NDRG3: variants seen among roughly 807,000 people sequenced by gnomAD.
NDRG3 encodes protein NDRG3.
Under a neutral mutation model 57.2 loss-of-function variants are expected in NDRG3, and 23 were observed. The observed-to-expected ratio is 0.40, with a 90% CI of 0.29 to 0.57. The LOEUF (loss-of-function observed/expected upper bound fraction) is 0.57. NDRG3 is among the 20% of genes least tolerant of loss of function. NDRG3 has a pLI of 0.42. For missense variants in NDRG3, 384 were observed against 457.3 expected, an observed-to-expected ratio of 0.84 and a Z score of 1.46; for synonymous variants, 132 against 162.6, an observed-to-expected ratio of 0.81 and a Z score of 1.43.
intron 6 of NDRG3, among the ~76,000 whole-genome samples, chr20:36,683,877 T>C (rs1051659332): frequency 6.6e-6 from 1 of 152,120 alleles, no homozygotes; most frequent in Admixed American, 6.6e-5. Context: ...ATGCTATCAT[T>C]ATCTCTTGCC....
chr20:36,736,633 G>GA (rs757676053), intron 1 of NDRG3, among the ~76,000 whole-genome samples: 5 of 152,266 alleles, frequency 3.3e-5, no homozygotes, highest in South Asian at 2.1e-4. Flanking sequence ...TACGGTAATG[G>GA]ATGTTGGTTC....
chr20:36,712,070 G>T (rs150698293), intron 2 of NDRG3, among the ~76,000 whole-genome samples: 1 of 152,096 alleles, frequency 6.6e-6, no homozygotes, highest in African/African-American at 2.4e-5. Flanking sequence ...TTACAGGTGT[G>T]AGCCACCGCA....
At position 36,653,369 on chromosome 20, in the gene NDRG3, G is replaced by A. The variant is rs1020357949; in HGVS notation, c.*151C>T. The A allele has an allele frequency of 3.0e-6, 2 of 659,062 alleles. No homozygotes were observed. The highest frequency in any genetic ancestry group is 6.1e-5 in the Admixed American group (2 of 32,708). The allele number at this position is 659,062 out of a possible 1,614,324, so 40.8% of individuals were successfully genotyped here. A position where few individuals can be genotyped will look rare whatever the true frequency, so the allele number is the denominator to read the frequency against. ...ATACAAAAAAGGGGGTGGGCAGGCAGAGAGAATGATAAATCCAGGCTACTA... is the reference window on the plus strand; with the variant it reads ...ATACAAAAAAGGGGGTGGGCAGGCAAAGAGAATGATAAATCCAGGCTACTA... On this transcript the variant is annotated 3_prime_UTR_variant, in exon 16 of 16. Coordinates refer to ENST00000349004, the MANE Select transcript of NDRG3 (RefSeq NM_032013.4). The surrounding 1 kb of genome is among the most constrained non-coding windows in gnomAD (Gnocchi z 4.2).
intron 1 of NDRG3, among the ~76,000 whole-genome samples, chr20:36,739,650 C>T (rs527556838): frequency 1.3e-5 from 2 of 151,478 alleles, no homozygotes; most frequent in African/African-American, 2.4e-5. Flanking sequence ...GGCCGGGCGC[C>T]GGTGGCTCAC....
chr20:36,665,808 G>A (rs754084404), intron 10 of NDRG3, among the ~76,000 whole-genome samples: 1 of 152,172 alleles, frequency 6.6e-6, no homozygotes, highest in Non-Finnish European at 1.5e-5. Flanking sequence ...ATGTTGGCCA[G>A]GCTGGTCTTG....
intron 1 of NDRG3, among the ~76,000 whole-genome samples, chr20:36,734,480 C>T (rs1158265375): frequency 6.6e-6 from 1 of 152,122 alleles, no homozygotes; most frequent in Non-Finnish European, 1.5e-5. Context: ...GGATTAAGCC[C>T]TGATATGTAG....
intron 8 of NDRG3, 116 bp downstream of exon 8, chr20:36,680,700 C>A: frequency 1.5e-6 from 1 of 666,364 alleles, no homozygotes; most frequent in East Asian, 2.8e-5. Context: ...AAACATTCTT[C>A]AAGCTATATA....
At position 36,665,054 on chromosome 20, in the gene NDRG3, CA is replaced by C. The variant is rs1367376811; in HGVS notation, c.801del (p.Glu268ArgfsTer10). The part of the protein sequence containing the change: ...LLVVGDNSPA[V>X]EAVVECNSRL... ...CATGAGGACATACTTACCACAGCCTCAACTGCAGGCGAATTGTCCCCTACCA... is the reference window on the plus strand; with the variant it reads ...CATGAGGACATACTTACCACAGCCTCACTGCAGGCGAATTGTCCCCTACCA... On this transcript the variant is annotated frameshift_variant, in exon 12 of 16. Coordinates refer to ENST00000349004, the MANE Select transcript of NDRG3 (RefSeq NM_032013.4). LOFTEE classifies it high-confidence loss of function. The C allele has an allele frequency of 4.3e-6, 7 of 1,614,018 alleles. No homozygotes were observed. The highest frequency in any genetic ancestry group is 5.9e-6 in the Non-Finnish European group (7 of 1,180,002).
At chr20:36,688,884 G>A (rs1771527434) in intron 3 of NDRG3, 100 bp from the exon 4 acceptor site, 2 of 828,264 alleles carry the variant, frequency 2.4e-6, no homozygotes, top group Admixed American at 1.8e-5. Flanking sequence ...CCACGAGCTG[G>A]GGCAGGACAC....
chr20:36,695,006 G>A (rs1027999654), intron 3 of NDRG3, among the ~76,000 whole-genome samples: 1 of 152,176 alleles, frequency 6.6e-6, no homozygotes, highest in Non-Finnish European at 1.5e-5. Flanking sequence ...AGAGGGACCT[G>A]CTGAAGCCGT....
chr20:36,728,155 G>A (rs1490871779), intron 1 of NDRG3, among the ~76,000 whole-genome samples: 4 of 151,626 alleles, frequency 2.6e-5, no homozygotes, highest in East Asian at 2.0e-4. Context: ...CCAAGTTCAC[G>A]CCATTCTCCT....
intron 1 of NDRG3, among the ~76,000 whole-genome samples, chr20:36,723,035 C>T (rs11907786): frequency 3.7e-4 from 57 of 152,300 alleles, no homozygotes; most frequent in African/African-American, 1.3e-3. Context: ...TGTGAGTTAC[C>T]TTGCAAATGA....
intron 1 of NDRG3, among the ~76,000 whole-genome samples, chr20:36,732,925 T>C (rs1168671190): frequency 2.0e-5 from 3 of 151,556 alleles, no homozygotes; most frequent in Non-Finnish European, 2.9e-5. Flanking sequence ...GGAGGGTGGA[T>C]TGCTTGAGCC....
At chr20:36,688,614 G>T in intron 4 of NDRG3, 65 bp downstream of exon 4, 2 of 1,192,406 alleles carry the variant, frequency 1.7e-6, no homozygotes, top group South Asian at 1.2e-5. Context: ...TATTGTTGTT[G>T]TTTGGTTTTT....
At chr20:36,699,848 C>T (rs528019872) in intron 3 of NDRG3, among the ~76,000 whole-genome samples, 32 of 152,004 alleles carry the variant, frequency 2.1e-4, no homozygotes, top group Admixed American at 1.6e-3. Flanking sequence ...AGGCCGGGCA[C>T]GGTGGCTCAC....
At chr20:36,698,180 T>C (rs1189640704) in intron 3 of NDRG3, among the ~76,000 whole-genome samples, 1 of 152,002 alleles carries the variant, frequency 6.6e-6, no homozygotes, top group Non-Finnish European at 1.5e-5. Flanking sequence ...TTGGCCAGGC[T>C]GGTCTCAAAC....
At chr20:36,696,349 C>A (rs542061825) in intron 3 of NDRG3, among the ~76,000 whole-genome samples, 13 of 152,216 alleles carry the variant, frequency 8.5e-5, no homozygotes, top group African/African-American at 1.2e-4. Flanking sequence ...CCCACCTTGG[C>A]CTCCCAAAGT....
At position 36,675,704 on chromosome 20, in the gene NDRG3, T is replaced by C. The variant is rs147550306; in HGVS notation, c.532-4307A>G. On this transcript the variant is annotated intron_variant, in intron 8 of 15. Transcript: ENST00000349004. ...CCTGGCCTACTTTTAAAATTTTTTGTAGAGATGGGGTCTCACTATGTTGCC... is the reference window on the plus strand; with the variant it reads ...CCTGGCCTACTTTTAAAATTTTTTGCAGAGATGGGGTCTCACTATGTTGCC... 4.5e-3 allele frequency among the ~76,000 whole-genome samples: 688 copies of C among 151,982 alleles called. 5 individuals carry two copies. The highest frequency in any genetic ancestry group is 0.016 in the African/African-American group (657 of 41,476).
At chr20:36,734,821 G>A (rs1985524863) in intron 1 of NDRG3, among the ~76,000 whole-genome samples, 1 of 151,722 alleles carries the variant, frequency 6.6e-6, no homozygotes, top group Non-Finnish European at 1.5e-5. Flanking sequence ...GTCCTCTTTG[G>A]GGCAAAATCA....
Sources: gnomAD v4.1 joint callset for allele counts (sites outside exome capture counted in the v4.1 genomes callset) on GRCh38, gnomAD v4.1.1 for gene constraint, Gnocchi (gnomAD v3.1) non-coding constraint, MANE v1.5 for transcripts, NCBI Gene and HGNC (gene_info 2026-07-23, HGNC 2026-07-21) for gene names.